NPRL3: variants seen among roughly 807,000 people sequenced by gnomAD.
The protein encoded by NPRL3 is NPR3 like, GATOR1 complex subunit.
NPRL3 carries 23 observed loss-of-function variants against 57.2 expected under a neutral mutation model. That is an observed-to-expected ratio of 0.40 (90% confidence interval 0.29 to 0.57). The LOEUF is 0.57. Among genes scored for constraint, NPRL3 ranks in the 20% least tolerant of loss-of-function variants. The pLI, the probability that NPRL3 is intolerant of heterozygous loss-of-function variation, is 0.42. For synonymous variants in NPRL3, 333 were observed against 321.1 expected (o/e 1.04, Z -0.39); for missense variants, 691 against 767.1 (o/e 0.90, Z 1.17).
chr16:115,467 C>G (rs908138949), intron 5 of NPRL3, among the ~76,000 whole-genome samples: 3 of 149,350 alleles, frequency 2.0e-5, no homozygotes, highest in Non-Finnish European at 4.4e-5. Flanking sequence ...AGCTGAAGTC[C>G]TAGACTATCT....
Position 100,502 on chromosome 16 carries a change from T to A in NPRL3, c.637A>T (p.Thr213Ser). The change falls in exon 8 of 14, where the codon ACG becomes TCG. Residue 213 changes from threonine to serine, a missense_variant. Thr to Ser is a moderately conservative substitution (Grantham distance 58, BLOSUM62 1). Transcript: ENST00000611875. ...ATGTGAAGCCGAACTACGCCCGACG[T>A]GCACAGGCTGCAGAGAGTGGGCGCT... ...DLKEAYDSLC[T>S]SGVVRLHINS... 1 of 1,575,320 alleles carries A rather than the reference T, an allele frequency of 6.3e-7. No homozygotes were observed. The highest frequency in any genetic ancestry group is 8.6e-7 in the Non-Finnish European group (1 of 1,163,902).
intron 9 of NPRL3, among the ~76,000 whole-genome samples, chr16:97,681 A>G (rs1273644053): frequency 6.6e-6 from 1 of 152,042 alleles, no homozygotes; most frequent in Admixed American, 6.5e-5. Context: ...AGGCCAACAC[A>G]TGTGCACACA....
At chr16:98,075 GCAGGCGGCCTGCCTTTCCTGATGC>G in intron 9 of NPRL3, 46 bp downstream of exon 9, 1 of 1,553,500 alleles carries the variant, frequency 6.4e-7, no homozygotes, top group Non-Finnish European at 8.7e-7. Flanking sequence ...ATGTACTGTG[GCAGGCGGCCTGCCTTTCCTGATGC>G]CCCAGCACCG....
At chr16:88,914 G>A (rs1324248159) in intron 12 of NPRL3, 24 bp from the exon 13 acceptor site, 1 of 1,595,486 alleles carries the variant, frequency 6.3e-7, no homozygotes, top group Non-Finnish European at 8.6e-7. Flanking sequence ...GGGTCAGGGT[G>A]ACCAAGTGGA....
intron 9 of NPRL3, among the ~76,000 whole-genome samples, chr16:94,997 G>A (rs781553049): frequency 6.6e-6 from 1 of 151,994 alleles, no homozygotes; most frequent in Non-Finnish European, 1.5e-5. Flanking sequence ...AAGAGAATTC[G>A]TCCTGCCTCT....
At chr16:118,524 C>T (rs1162806107) in intron 4 of NPRL3, among the ~76,000 whole-genome samples, 6 of 152,154 alleles carry the variant, frequency 3.9e-5, no homozygotes, top group African/African-American at 1.4e-4. Context: ...TTGGCCTCCC[C>T]TGGAAACAGA....
chr16:124,292 C>A (rs949581891), intron 3 of NPRL3, among the ~76,000 whole-genome samples: 17 of 152,278 alleles, frequency 1.1e-4, no homozygotes, highest in African/African-American at 3.8e-4. Flanking sequence ...TGGGTCAGAC[C>A]CAGCACCATA....
At chr16:132,843 G>C (rs1900877633) in intron 2 of NPRL3, among the ~76,000 whole-genome samples, 1 of 151,960 alleles carries the variant, frequency 6.6e-6, no homozygotes, top group African/African-American at 2.4e-5. Flanking sequence ...CTAATTTTTT[G>C]TATTTTTAGT....
At chr16:132,092 A>C (rs1900839070) in intron 2 of NPRL3, among the ~76,000 whole-genome samples, 2 of 150,768 alleles carry the variant, frequency 1.3e-5, no homozygotes, top group African/African-American at 2.5e-5. Flanking sequence ...TACAGTCTTG[A>C]CCTCCCAAGG....
rs1388346755 is a variant in NPRL3 at position 92,712 on chromosome 16, C to T, written c.1045G>A (p.Ala349Thr). The T allele has an allele frequency of 1.9e-6, 3 of 1,613,458 alleles. No homozygotes were observed. The highest frequency in any genetic ancestry group is 2.5e-6 in the Non-Finnish European group (3 of 1,179,738). ...NASVCLYSPL[A>T]EQFSHQFPSH... The stretch of plus-strand genomic sequence containing the variant: ...GGGAACTGGTGGGAGAACTGCTCGG[C>T]CAGCGGGGAGTACCTGCAGGCAGGT... The change falls in exon 11 of 14, where the codon GCC becomes ACC. Residue 349 changes from alanine (A) to threonine (T), a missense_variant. Coordinates refer to ENST00000611875, the MANE Select transcript of NPRL3 (RefSeq NM_001077350.3).
chr16:97,905 C>T, intron 9 of NPRL3, among the ~76,000 whole-genome samples: 1 of 152,190 alleles, frequency 6.6e-6, no homozygotes, highest in Non-Finnish European at 1.5e-5. Flanking sequence ...CTCGCCTTAC[C>T]TCTCTGAGAC....
In NPRL3 at chr16:88,742, A is replaced by G. The variant is rs1253562574; in HGVS notation, c.1500T>C (p.Ser500=). Residue 500 remains serine (S), a synonymous_variant, in exon 13 of 14, where the codon AGT becomes AGC. Coordinates refer to ENST00000611875, the MANE Select transcript of NPRL3 (RefSeq NM_001077350.3). The stretch of plus-strand genomic sequence containing the variant: ...CCTCAGGGTTCTGGGCTGCGGGTAC[A>G]CTGAGGATGGCTGCGCGTTCATGCT... The part of the protein sequence containing the change: ...LSEHERAAIL[S]VPAAQNPEDL... The G allele has an allele frequency of 2.5e-6, 4 of 1,613,494 alleles. No homozygotes were observed. Among genetic ancestry groups the G allele is most frequent in the South Asian group, 1.1e-5 (1 of 91,002 alleles).
intron 12 of NPRL3, chr16:89,103 G>A (rs1898641276): frequency 1.7e-6 from 1 of 583,978 alleles, no homozygotes; most frequent in Non-Finnish European, 3.1e-6. Flanking sequence ...TCCCCTCTGG[G>A]GGCAACCTCA....
At chr16:100,321 C>A (rs933303824) in intron 8 of NPRL3, 51 bp downstream of exon 8, 139 of 1,419,232 alleles carry the variant, frequency 9.8e-5, no homozygotes, top group Non-Finnish European at 1.2e-4. Context: ...CAGGCAGAAG[C>A]TAAAGGGAAG....
intron 2 of NPRL3, among the ~76,000 whole-genome samples, chr16:136,040 AAC>A (rs1220125335): frequency 6.6e-6 from 1 of 152,254 alleles, no homozygotes; most frequent in Non-Finnish European, 1.5e-5. Context: ...CTACCAGATT[AAC>A]AAAGATTGAA....
At chr16:102,829 T>C (rs1375295758) in intron 7 of NPRL3, among the ~76,000 whole-genome samples, 1 of 152,158 alleles carries the variant, frequency 6.6e-6, no homozygotes, top group African/African-American at 2.4e-5. Flanking sequence ...TCTCAGCTTC[T>C]TCCAGAACTG....
At position 127,396 on chromosome 16, in the gene NPRL3, A is replaced by C. The variant is rs911655685; in HGVS notation, c.188+3126T>G. Among the ~76,000 whole-genome samples, 9 of 151,600 alleles carry C rather than the reference A, an allele frequency of 5.9e-5. No individual in the cohort carries two copies. In the Middle Eastern group the frequency reaches 0.021, roughly 346 times the overall value. ...GACTAAGGGCGCAGGTCACCAACCC[A>C]GCTAATTTTTGTATTTTTTGTAGAG... is the stretch of plus-strand genomic sequence containing the variant. On this transcript the variant is annotated intron_variant, in intron 3 of 13. Coordinates refer to ENST00000611875, the MANE Select transcript of NPRL3 (RefSeq NM_001077350.3).
chr16:132,669 T>C (rs1226984026), intron 2 of NPRL3, among the ~76,000 whole-genome samples: 2 of 123,432 alleles, frequency 1.6e-5, no homozygotes, highest in African/African-American at 7.2e-5. Context: ...ATTGTATTTC[T>C]TTTTTTTTTT....
chr16:104,745 A>G (rs1192876283), intron 7 of NPRL3, among the ~76,000 whole-genome samples: 1 of 152,196 alleles, frequency 6.6e-6, no homozygotes, highest in Non-Finnish European at 1.5e-5. Context: ...TAGAGCGGTG[A>G]CAAGTGCTGC....
Sources: gnomAD v4.1 joint callset for allele counts (sites outside exome capture counted in the v4.1 genomes callset) on GRCh38, gnomAD v4.1.1 for gene constraint, MANE v1.5 for transcripts, NCBI Gene and HGNC (gene_info 2026-07-23, HGNC 2026-07-21) for gene names.